Variants in FADS3 observed in about 807,000 individuals in gnomAD.
FADS3 encodes fatty acid desaturase 3, also known as cytochrome b5-related protein.
A neutral mutation model predicts 60.4 loss-of-function variants in FADS3; 30 were observed. That is an observed-to-expected ratio of 0.50 (90% CI 0.37 to 0.67). The LOEUF (loss-of-function observed/expected upper bound fraction) is 0.67. FADS3 is among the 30% of genes least tolerant of loss of function. FADS3 has a pLI of 0.00. For missense variants in FADS3, 432 were observed against 598.3 expected, an observed-to-expected ratio of 0.72 and a Z score of 2.90; for synonymous variants, 234 against 249.3, an observed-to-expected ratio of 0.94 and a Z score of 0.58.
Position 61,885,082 on chromosome 11 carries a change from C to T in FADS3, c.214-4931G>A, listed in dbSNP as rs970565536. Among the ~76,000 whole-genome samples, 9 of 152,168 alleles carry T rather than the reference C, an allele frequency of 5.9e-5. No homozygotes were observed. In the East Asian group the frequency reaches 9.6e-4, roughly 16 times the overall value. ...AGTTAGTAGTGGCAGAGCTGGGATT[C>T]GAACCCGGGCCCATCTTCTGTGATG... On this transcript the variant is annotated intron_variant, in intron 1 of 11. Coordinates refer to ENST00000278829, the MANE Select transcript of FADS3 (RefSeq NM_021727.5).
Position 61,877,771 on chromosome 11 carries a change from C to T in FADS3, c.809-184G>A. The T allele has an allele frequency of 1.6e-6, 1 of 613,618 alleles. No individual in the cohort carries two copies. The allele number at this position is 613,618 out of a possible 1,614,324, so 38.0% of individuals were successfully genotyped here. ...AAGCCTCCCCAGGCTGCCCTTACCC[C>T]ACCACCTCCCACCACCCTTCACCGC... On this transcript the variant is annotated intron_variant, in intron 6 of 11. Transcript: ENST00000278829. This position sits in a 1 kb window ranked among gnomAD's most constrained non-coding sequence, Gnocchi z 4.7.
chr11:61,878,481 C>A (rs1430957926), intron 5 of FADS3, 31 bp downstream of exon 5: 1 of 1,607,714 alleles, frequency 6.2e-7, no homozygotes, highest in African/African-American at 1.3e-5. Context: ...GCAGGCCCAG[C>A]CAGAGGTTGT....
At chr11:61,874,834 T>C (rs905688390) in intron 11 of FADS3, among the ~76,000 whole-genome samples, 7 of 151,716 alleles carry the variant, frequency 4.6e-5, no homozygotes, top group Middle Eastern at 6.4e-3. Flanking sequence ...CCCTCCCCTG[T>C]CCCCACCCTG....
chr11:61,886,414 G>A (rs1179482424), intron 1 of FADS3: 1 of 152,426 alleles, frequency 6.6e-6, no homozygotes, highest in East Asian at 1.9e-4. Context: ...AAGGGGCCTG[G>A]GTGGGCGGTG....
At chr11:61,874,294 C>T (rs1206134173) in intron 11 of FADS3, among the ~76,000 whole-genome samples, 6 of 152,234 alleles carry the variant, frequency 3.9e-5, no homozygotes, top group Admixed American at 6.5e-5. Flanking sequence ...CTGTGCCAGG[C>T]GCTCTAAAGG....
rs201832327 is a variant in FADS3 at position 61,876,889 on chromosome 11, C to T, written c.960G>A (p.Val320=). The change falls in exon 8 of 12, where the codon GTG becomes GTA. Residue 320 remains valine, a synonymous_variant. Coordinates refer to ENST00000278829, the MANE Select transcript of FADS3 (RefSeq NM_021727.5). The surrounding 1 kb of genome is among the most constrained non-coding windows in gnomAD (Gnocchi z 5.7). ...SYLPFYGVPG[V]LLFFVAVRVL... ...ACCTGACAGCAACAAAGAAGAGCAG[C>T]ACCCCAGGGACGCCGTAGAAGGGGA... 34 of 1,610,618 alleles carry T rather than the reference C, an allele frequency of 2.1e-5. No homozygotes were observed. Among genetic ancestry groups the T allele is most frequent in the Non-Finnish European group, 2.5e-5 (30 of 1,179,072 alleles).
chr11:61,874,100 G>A (rs961502871), intron 11 of FADS3, among the ~76,000 whole-genome samples: 1 of 152,174 alleles, frequency 6.6e-6, no homozygotes, highest in Non-Finnish European at 1.5e-5. Context: ...GAGCTGGAGG[G>A]CAGCCAAGGC....
At chr11:61,890,562 G>T (rs1478772370) in intron 1 of FADS3, among the ~76,000 whole-genome samples, 3 of 152,172 alleles carry the variant, frequency 2.0e-5, no homozygotes, top group Admixed American at 2.0e-4. Flanking sequence ...CTAGACAGGG[G>T]CTGGGATTGG....
At chr11:61,884,797 A>T (rs1938254299) in intron 1 of FADS3, among the ~76,000 whole-genome samples, 3 of 152,162 alleles carry the variant, frequency 2.0e-5, no homozygotes, top group African/African-American at 2.4e-5. Context: ...GCGGCACTCG[A>T]CGTCTCTCAT....
rs371541217 is a variant in FADS3 at position 61,875,831 on chromosome 11, G to A, written c.1286+20C>T. 1.4e-4 allele frequency: 225 copies of A among 1,609,010 alleles called. No individual in the cohort carries two copies. The highest frequency in any genetic ancestry group is 1.8e-4 in the Non-Finnish European group (215 of 1,177,328). On this transcript the variant is annotated intron_variant, in intron 11 of 11. Transcript: ENST00000278829. ...CCCTGGGGAAGCCACCAGAACAGAGGGGCCGGGCTGCAGCCTCACCTGACG... is the reference window on the plus strand; with the variant it reads ...CCCTGGGGAAGCCACCAGAACAGAGAGGCCGGGCTGCAGCCTCACCTGACG...
intron 1 of FADS3, among the ~76,000 whole-genome samples, chr11:61,887,203 G>A (rs964604278): frequency 3.3e-5 from 5 of 152,216 alleles, no homozygotes; most frequent in Non-Finnish European, 4.4e-5. Flanking sequence ...ATCATAGAGC[G>A]AGGCCAGGCT....
intron 5 of FADS3, 138 bp downstream of exon 5, chr11:61,878,373 GA>G: frequency 7.1e-7 from 1 of 1,407,162 alleles, no homozygotes; most frequent in Non-Finnish European, 9.9e-7. Flanking sequence ...GGGAAGGAAA[GA>G]CACGGGGGCA....
Position 61,877,433 on chromosome 11 carries a change from T to C in FADS3, c.885+78A>G, listed in dbSNP as rs969937436. The C allele has an allele frequency of 3.2e-5, 44 of 1,380,378 alleles. No individual in the cohort carries two copies. Among genetic ancestry groups the C allele is most frequent in the Non-Finnish European group, 1.8e-5 (18 of 978,962 alleles). 85.5% of individuals were successfully genotyped at this position (1,380,378 alleles called of 1,614,324 possible). A position where few individuals can be genotyped will look rare whatever the true frequency, so the allele number is the denominator to read the frequency against. Reference sequence around the variant, plus strand: ...CACATGTGCACCCTGTTTGCCTTCATGGGCAGGTACTGTCCCCCGAGGCAC... The same window carrying C: ...CACATGTGCACCCTGTTTGCCTTCACGGGCAGGTACTGTCCCCCGAGGCAC... On this transcript the variant is annotated intron_variant, in intron 7 of 11. Coordinates refer to ENST00000278829, the MANE Select transcript of FADS3 (RefSeq NM_021727.5). The surrounding 1 kb of genome is among the most constrained non-coding windows in gnomAD (Gnocchi z 4.7).
intron 5 of FADS3, 31 bp downstream of exon 5, chr11:61,878,481 C>T: frequency 6.2e-7 from 1 of 1,607,712 alleles, no homozygotes; most frequent in Non-Finnish European, 8.5e-7. Flanking sequence ...GCAGGCCCAG[C>T]CAGAGGTTGT....
intron 1 of FADS3, among the ~76,000 whole-genome samples, chr11:61,883,537 G>A (rs1475095744): frequency 1.3e-5 from 2 of 152,158 alleles, no homozygotes; most frequent in African/African-American, 2.4e-5. Flanking sequence ...CGGCCCACAT[G>A]AACACTCAGC....
At position 61,876,432 on chromosome 11, in the gene FADS3, A is replaced by G; in HGVS notation, c.1007T>C (p.Val336Ala). The part of the protein sequence containing the change: ...AVRVLESHWF[V>A]WITQMNHIPK... Reference sequence around the variant, plus strand: ...GATGTGGTTCATCTGTGTGATCCACACGAACCAGTGGCTTTCCAGGACCCT... The same window carrying G: ...GATGTGGTTCATCTGTGTGATCCACGCGAACCAGTGGCTTTCCAGGACCCT... Residue 336 changes from valine to alanine, a missense_variant, in exon 9 of 12, where the codon GTG (valine) becomes GCG (alanine). By Grantham distance (64) the Val-to-Ala change is moderately conservative. Transcript: ENST00000278829. The surrounding 1 kb of genome is among the most constrained non-coding windows in gnomAD (Gnocchi z 5.7). 6.2e-7 allele frequency: 1 copy of G among 1,613,432 alleles called. No homozygotes were observed. Among genetic ancestry groups the G allele is most frequent in the Non-Finnish European group, 8.5e-7 (1 of 1,180,002 alleles).
At chr11:61,886,604 C>T (rs946493640) in intron 1 of FADS3, among the ~76,000 whole-genome samples, 1 of 152,172 alleles carries the variant, frequency 6.6e-6, no homozygotes, top group African/African-American at 2.4e-5. Flanking sequence ...CCCCAGCTCC[C>T]ACCCAGACAC....
At chr11:61,886,790 C>T (rs1938335086) in intron 1 of FADS3, among the ~76,000 whole-genome samples, 2 of 152,228 alleles carry the variant, frequency 1.3e-5, no homozygotes, top group South Asian at 4.1e-4. Context: ...CTAAACCCCT[C>T]AGAACAGTGC....
Position 61,873,688 on chromosome 11 carries a change from C to G in FADS3, c.*126G>C. The G allele has an allele frequency of 1.4e-6, 1 of 724,160 alleles. No individual in the cohort carries two copies. Among genetic ancestry groups the G allele is most frequent in the African/African-American group, 1.7e-5 (1 of 57,482 alleles). 44.9% of individuals were successfully genotyped at this position (724,160 alleles called of 1,614,324 possible). ...TGTGAGGGGGCCGAGGGGAAGACAA[C>G]AGTACCAGGAGGGCAGGCAGGGCAC... On this transcript the variant is annotated 3_prime_UTR_variant, in exon 12 of 12. Coordinates refer to ENST00000278829, the MANE Select transcript of FADS3 (RefSeq NM_021727.5).
Sources: gnomAD v4.1 joint callset for allele counts (sites outside exome capture counted in the v4.1 genomes callset) on GRCh38, gnomAD v4.1.1 for gene constraint, Gnocchi (gnomAD v3.1) non-coding constraint, MANE v1.5 for transcripts, NCBI Gene and HGNC (gene_info 2026-07-23, HGNC 2026-07-21) for gene names.